Variants in GALR2 observed in about 807,000 individuals in gnomAD.
The protein encoded by GALR2 is galanin receptor 2, also known as galanin receptor type 2.
A neutral mutation model predicts 7.2 loss-of-function variants in GALR2; 5 were observed. That is an observed-to-expected ratio of 0.69 (90% CI 0.36 to 1.45). GALR2 has a LOEUF of 1.45. Ranked by LOEUF, GALR2 falls within the 40% of genes most tolerant of loss-of-function variation. The pLI is 0.03. For synonymous variants in GALR2, 300 were observed against 263.9 expected, an observed-to-expected ratio of 1.14 and a Z score of -1.32; for missense variants, 561 against 555.7, an observed-to-expected ratio of 1.01 and a Z score of -0.10.
In GALR2 at chr17:76,075,234, C is replaced by A. The variant is rs534498888; in HGVS notation, c.351C>A (p.Ala117=). ...LTMHASSFTL[A]AVSLDRYLAI... ...TGCACGCCAGCAGCTTCACGCTGGC[C>A]GCCGTCTCCCTGGACAGGTGAGCCA... is the stretch of plus-strand genomic sequence containing the variant. Residue 117 remains alanine, a synonymous_variant, in exon 1 of 2, where the codon GCC becomes GCA. Transcript: ENST00000329003. This position sits in a 1 kb window ranked among gnomAD's most constrained non-coding sequence, Gnocchi z 5.9. 1.3e-5 allele frequency: 21 copies of A among 1,603,698 alleles called. No individual in the cohort carries two copies. In the East Asian group the frequency reaches 3.6e-4, roughly 27 times the overall value.
rs914681871 is a variant in GALR2 at position 76,075,385 on chromosome 17, G to A, written c.368+134G>A. 3.2e-5 allele frequency: 31 copies of A among 959,464 alleles called. No homozygotes were observed. In the Admixed American group the frequency reaches 7.2e-4, roughly 22 times the overall value. The allele number at this position is 959,464 out of a possible 1,614,324, so 59.4% of individuals were successfully genotyped here. A position where few individuals can be genotyped will look rare whatever the true frequency, so the allele number is the denominator to read the frequency against. Reference sequence around the variant, plus strand: ...AGAAGGCAGTGGAAGACAAGCGGGCGCGGAGGAGGAAAAAGAGGAATAAGA... The same window carrying A: ...AGAAGGCAGTGGAAGACAAGCGGGCACGGAGGAGGAAAAAGAGGAATAAGA... On this transcript the variant is annotated intron_variant, in intron 1 of 1. Coordinates refer to ENST00000329003, the MANE Select transcript of GALR2 (RefSeq NM_003857.4). The surrounding 1 kb of genome is among the most constrained non-coding windows in gnomAD (Gnocchi z 5.9).
At position 76,077,413 on chromosome 17, in the gene GALR2, G is replaced by T; in HGVS notation, c.1146G>T (p.Leu382=). ...WQGPKAGDSI[L]TVDVA ...GCCCAAAGGCAGGCGACAGCATCCT[G>T]ACGGTTGATGTGGCCTGAAAGCACT... Residue 382 remains leucine (L), a synonymous_variant, in exon 2 of 2, where the codon CTG becomes CTT. Coordinates refer to ENST00000329003, the MANE Select transcript of GALR2 (RefSeq NM_003857.4). The T allele has an allele frequency of 1.4e-6, 2 of 1,454,992 alleles. No individual in the cohort carries two copies. Among genetic ancestry groups the T allele is most frequent in the South Asian group, 1.4e-5 (1 of 69,778 alleles). 90.1% of individuals were successfully genotyped at this position (1,454,992 alleles called of 1,614,324 possible).
upstream of GALR2, chr17:76,072,135 A>G (rs922708899): frequency 1.5e-5 from 18 of 1,224,684 alleles, no homozygotes; most frequent in Non-Finnish European, 2.0e-5. This position sits in a 1 kb window ranked among gnomAD's most constrained non-coding sequence, Gnocchi z 4.5. Context: ...AGGAAAGACT[A>G]GTCGAGAGAC....
At chr17:76,072,735 T>G, upstream of GALR2, 1 of 694,526 alleles carries the variant, frequency 1.4e-6, no homozygotes, top group Non-Finnish European at 2.2e-6. This position sits in a 1 kb window ranked among gnomAD's most constrained non-coding sequence, Gnocchi z 4.5. Flanking sequence ...TGCTGAGATC[T>G]CAGGGGGCAG....
Position 76,076,866 on chromosome 17 carries a change from T to G in GALR2, c.599T>G (p.Val200Gly). The change falls in exon 2 of 2, where the codon GTG becomes GGG. Residue 200 changes from valine to glycine, a missense_variant. By Grantham distance (109) the Val-to-Gly change is moderately radical (BLOSUM62 -3). Coordinates refer to ENST00000329003, the MANE Select transcript of GALR2 (RefSeq NM_003857.4). This position sits in a 1 kb window ranked among gnomAD's most constrained non-coding sequence, Gnocchi z 6.5. ...CTFVFSYLLP[V>G]LVLGLTYART... ...TTCGTCTTCAGCTACCTGCTTCCTGTGCTGGTTCTCGGCCTGACCTACGCG... is the reference window on the plus strand; with the variant it reads ...TTCGTCTTCAGCTACCTGCTTCCTGGGCTGGTTCTCGGCCTGACCTACGCG... 6.2e-7 allele frequency: 1 copy of G among 1,604,282 alleles called. No homozygotes were observed. The highest frequency in any genetic ancestry group is 8.5e-7 in the Non-Finnish European group (1 of 1,179,326).
upstream of GALR2, among the ~76,000 whole-genome samples, chr17:76,074,310 C>T (rs191771142): frequency 6.6e-6 from 1 of 152,312 alleles, no homozygotes; most frequent in East Asian, 1.9e-4. The surrounding 1 kb of genome is among the most constrained non-coding windows in gnomAD (Gnocchi z 6.7). Flanking sequence ...AGCCAGACTC[C>T]GGGGCCCCTC....
chr17:76,072,737 A>AG (rs911358234), upstream of GALR2: 20 of 685,074 alleles, frequency 2.9e-5, no homozygotes, highest in South Asian at 4.2e-5. This position sits in a 1 kb window ranked among gnomAD's most constrained non-coding sequence, Gnocchi z 4.5. Flanking sequence ...CTGAGATCTC[A>AG]GGGGGCAGTC....
upstream of GALR2, chr17:76,072,560 C>G (rs1197870387): frequency 2.6e-6 from 4 of 1,520,830 alleles, no homozygotes; most frequent in South Asian, 3.8e-5. This position sits in a 1 kb window ranked among gnomAD's most constrained non-coding sequence, Gnocchi z 4.5. Flanking sequence ...GAGAGCTGGA[C>G]CTGCCTGGCC....
Position 76,077,474 on chromosome 17 carries a change from A to G in GALR2, c.*43A>G, listed in dbSNP as rs2066897960. 12 of 1,413,878 alleles carry G rather than the reference A, an allele frequency of 8.5e-6. No homozygotes were observed. Among genetic ancestry groups the G allele is most frequent in the African/African-American group, 1.4e-5 (1 of 69,050 alleles). The allele number at this position is 1,413,878 out of a possible 1,614,324, so 87.6% of individuals were successfully genotyped here. A position where few individuals can be genotyped will look rare whatever the true frequency, so the allele number is the denominator to read the frequency against. On this transcript the variant is annotated 3_prime_UTR_variant, in exon 2 of 2. Transcript: ENST00000329003. ...GCTGGGATGTCACAGAGTTGGAGTCATTGTTGGGGGACCGTGGGGAGAGCT... is the reference window on the plus strand; with the variant it reads ...GCTGGGATGTCACAGAGTTGGAGTCGTTGTTGGGGGACCGTGGGGAGAGCT...
rs778464924 is a variant in GALR2 at position 76,076,706 on chromosome 17, G to C, written c.439G>C (p.Gly147Arg). Residue 147 changes from glycine to arginine, a missense_variant, in exon 2 of 2, where the codon GGG becomes CGG. Gly to Arg is a moderately radical substitution (Grantham distance 125, BLOSUM62 -2). Transcript: ENST00000329003. The surrounding 1 kb of genome is among the most constrained non-coding windows in gnomAD (Gnocchi z 6.5). ...GCCTCGAAACGCGCTGGCAGCCATCGGGCTCATCTGGGGGCTGTCGCTGCT... is the reference window on the plus strand; with the variant it reads ...GCCTCGAAACGCGCTGGCAGCCATCCGGCTCATCTGGGGGCTGTCGCTGCT... ...RTPRNALAAI[G>R]LIWGLSLLFS... 2 of 1,603,290 alleles carry C rather than the reference G, an allele frequency of 1.2e-6. No individual in the cohort carries two copies. The highest frequency in any genetic ancestry group is 2.2e-5 in the South Asian group (2 of 91,050).
At position 76,075,626 on chromosome 17, in the gene GALR2, C is replaced by T. The variant is rs1220168143; in HGVS notation, c.368+375C>T. 6.6e-6 allele frequency among the ~76,000 whole-genome samples: 1 copy of T among 152,228 alleles called. No homozygotes were observed. Among genetic ancestry groups the T allele is most frequent in the South Asian group, 2.1e-4 (1 of 4,836 alleles). On this transcript the variant is annotated intron_variant, in intron 1 of 1. Transcript: ENST00000329003. This position sits in a 1 kb window ranked among gnomAD's most constrained non-coding sequence, Gnocchi z 5.9. Reference sequence around the variant, plus strand: ...AAGAGTTGAGTTCCTAAGTAACTCGCTCAGAGTCGCCAGCCAGGGATCGGG... The same window carrying T: ...AAGAGTTGAGTTCCTAAGTAACTCGTTCAGAGTCGCCAGCCAGGGATCGGG...
chr17:76,072,651 G>T (rs2066866434), upstream of GALR2: 1 of 1,359,224 alleles, frequency 7.4e-7, no homozygotes, highest in Non-Finnish European at 9.6e-7. This position sits in a 1 kb window ranked among gnomAD's most constrained non-coding sequence, Gnocchi z 4.5. Flanking sequence ...GCGCCTGCGC[G>T]AGGGATCCTG....
rs66906990 is a variant in GALR2 at position 76,077,366 on chromosome 17, TGTCCTGGCCC to T, written c.1108_1117del (p.Pro370ArgfsTer10). 0.015 allele frequency: 22,554 copies of T among 1,512,818 alleles called. 430 individuals are homozygous for T. Among genetic ancestry groups the T allele is most frequent in the African/African-American group, 0.077 (5,585 of 72,592 alleles). The allele number at this position is 1,512,818 out of a possible 1,614,324, so 93.7% of individuals were successfully genotyped here. On this transcript the variant is annotated frameshift_variant, in exon 2 of 2. Transcript: ENST00000329003. LOFTEE classifies it low-confidence loss of function (END_TRUNC). ...TTCCCAGCCATGCATCCTCGAGCCCTGTCCTGGCCCGTCCTGGCAGGGCCCAAAGGCAGGC... is the reference window on the plus strand; with the variant it reads ...TTCCCAGCCATGCATCCTCGAGCCCTGTCCTGGCAGGGCCCAAAGGCAGGC...
Position 76,076,729 on chromosome 17 carries a change from G to T in GALR2, c.462G>T (p.Leu154=), listed in dbSNP as rs887899418. 1 of 1,604,904 alleles carries T rather than the reference G, an allele frequency of 6.2e-7. No individual in the cohort carries two copies. The change falls in exon 2 of 2, where the codon CTG becomes CTT. Residue 154 remains leucine (L), a synonymous_variant. Transcript: ENST00000329003. The surrounding 1 kb of genome is among the most constrained non-coding windows in gnomAD (Gnocchi z 6.5). ...TCGGGCTCATCTGGGGGCTGTCGCT[G>T]CTCTTCTCCGGGCCCTACCTGAGCT... ...AAIGLIWGLS[L]LFSGPYLSYY... is the part of the protein sequence containing the mutation.
At chr17:76,072,562 T>C (rs1335396629), upstream of GALR2, 80 of 1,518,922 alleles carry the variant, frequency 5.3e-5, no homozygotes, top group Non-Finnish European at 6.8e-5. This position sits in a 1 kb window ranked among gnomAD's most constrained non-coding sequence, Gnocchi z 4.5. Flanking sequence ...GAGCTGGACC[T>C]GCCTGGCCGG....
In GALR2 at chr17:76,075,091, G is replaced by T. The variant is rs114084562; in HGVS notation, c.208G>T (p.Ala70Ser). 716 of 1,612,138 alleles carry T rather than the reference G, an allele frequency of 4.4e-4. 3 individuals are homozygous for T. The African/African-American group carries it at 8.9e-3, about 20-fold the overall frequency. The change falls in exon 1 of 2, where the codon GCC (alanine) becomes TCC (serine). Residue 70 changes from alanine (A) to serine (S), a missense_variant. By Grantham distance (99) the Ala-to-Ser change is moderately conservative. Coordinates refer to ENST00000329003, the MANE Select transcript of GALR2 (RefSeq NM_003857.4). This position sits in a 1 kb window ranked among gnomAD's most constrained non-coding sequence, Gnocchi z 5.9. ...TNLFILNLGV[A>S]DLCFILCCVP... ...CCTGTTCATCCTTAACCTGGGCGTG[G>T]CCGACCTGTGTTTCATCCTGTGCTG...
upstream of GALR2, chr17:76,072,135 A>T: frequency 8.2e-7 from 1 of 1,224,682 alleles, no homozygotes. The surrounding 1 kb of genome is among the most constrained non-coding windows in gnomAD (Gnocchi z 4.5). Context: ...AGGAAAGACT[A>T]GTCGAGAGAC....
In GALR2 at chr17:76,076,857, TG is replaced by T. The variant is rs1411638458; in HGVS notation, c.591del (p.Leu198PhefsTer8). The T allele has an allele frequency of 6.2e-7, 1 of 1,604,412 alleles. No homozygotes were observed. Among genetic ancestry groups the T allele is most frequent in the Admixed American group, 1.7e-5 (1 of 59,980 alleles). On this transcript the variant is annotated frameshift_variant, in exon 2 of 2. Coordinates refer to ENST00000329003, the MANE Select transcript of GALR2 (RefSeq NM_003857.4). LOFTEE classifies it low-confidence loss of function (END_TRUNC). The surrounding 1 kb of genome is among the most constrained non-coding windows in gnomAD (Gnocchi z 6.5). ...ATCTGCACCTTCGTCTTCAGCTACCTGCTTCCTGTGCTGGTTCTCGGCCTGA... is the reference window on the plus strand; with the variant it reads ...ATCTGCACCTTCGTCTTCAGCTACCTCTTCCTGTGCTGGTTCTCGGCCTGA... ...MDICTFVFSYLLPVLVLGLTY... is the reference protein window; with the variant it reads ...MDICTFVFSYXLPVLVLGLTY...
Position 76,076,720 on chromosome 17 carries a change from G to A in GALR2, c.453G>A (p.Gly151=), listed in dbSNP as rs775202827. The change falls in exon 2 of 2, where the codon GGG becomes GGA. Residue 151 remains glycine (G), a synonymous_variant. Transcript: ENST00000329003. This position sits in a 1 kb window ranked among gnomAD's most constrained non-coding sequence, Gnocchi z 6.5. ...TGGCAGCCATCGGGCTCATCTGGGGGCTGTCGCTGCTCTTCTCCGGGCCCT... is the reference window on the plus strand; with the variant it reads ...TGGCAGCCATCGGGCTCATCTGGGGACTGTCGCTGCTCTTCTCCGGGCCCT... The part of the protein sequence containing the change: ...NALAAIGLIW[G]LSLLFSGPYL... 3.8e-5 allele frequency: 61 copies of A among 1,604,432 alleles called. No individual in the cohort carries two copies. The highest frequency in any genetic ancestry group is 5.1e-5 in the Non-Finnish European group (60 of 1,179,648).
Sources: gnomAD v4.1 joint callset for allele counts (sites outside exome capture counted in the v4.1 genomes callset) on GRCh38, gnomAD v4.1.1 for gene constraint, Gnocchi (gnomAD v3.1) non-coding constraint, MANE v1.5 for transcripts, NCBI Gene and HGNC (gene_info 2026-07-23, HGNC 2026-07-21) for gene names.